SFRP1: variants seen among roughly 807,000 people sequenced by gnomAD.
The protein encoded by SFRP1 is secreted frizzled-related protein 1.
Under a neutral mutation model 25.9 loss-of-function variants are expected in SFRP1, and 9 were observed. The ratio of observed to expected loss-of-function variants is 0.35; its 90% CI spans 0.21 to 0.61. SFRP1 has a LOEUF of 0.61. Among genes scored for constraint, SFRP1 ranks in the 20% least tolerant of loss-of-function variants. The pLI, the probability that SFRP1 is intolerant of heterozygous loss-of-function variation, is 0.78. For missense variants in SFRP1, 346 were observed against 418.2 expected (o/e 0.83, Z 1.51); for synonymous variants, 178 against 174.0 (o/e 1.02, Z -0.18).
chr8:41,296,132 C>T (rs1803841102), intron 2 of SFRP1, among the ~76,000 whole-genome samples: 1 of 152,220 alleles, frequency 6.6e-6, no homozygotes, highest in Non-Finnish European at 1.5e-5. Flanking sequence ...AGTCCAGGTC[C>T]TCTGGGCACA....
intron 2 of SFRP1, among the ~76,000 whole-genome samples, chr8:41,271,917 A>T (rs998081340): frequency 6.6e-6 from 1 of 152,102 alleles, no homozygotes; most frequent in African/African-American, 2.4e-5. Flanking sequence ...GTGAGCTATG[A>T]CTGCACCCCT....
At chr8:41,286,078 C>T (rs1803697334) in intron 2 of SFRP1, among the ~76,000 whole-genome samples, 1 of 151,678 alleles carries the variant, frequency 6.6e-6, no homozygotes, top group Non-Finnish European at 1.5e-5. Flanking sequence ...GGCCCAGACC[C>T]GATTCCTGGC....
chr8:41,265,123 C>CCAAA lies in SFRP1; in HGVS notation c.*43_*44insTTTG. The CCAAA allele has an allele frequency of 2.8e-6, 1 of 354,602 alleles. No individual in the cohort carries two copies. The highest frequency in any genetic ancestry group is 5.6e-6 in the Non-Finnish European group (1 of 179,004). The allele number at this position is 354,602 out of a possible 1,614,324, so 22.0% of individuals were successfully genotyped here. On this transcript the variant is annotated 3_prime_UTR_variant, in exon 3 of 3. Transcript: ENST00000220772. Reference sequence around the variant, plus strand: ...TTCCCGGGGCACTGTCCCCCCCGCTCCCACCCCACCCGAGGCTCCCTCCCC... The same window carrying CCAAA: ...TTCCCGGGGCACTGTCCCCCCCGCTCCAAACCACCCCACCCGAGGCTCCCTCCCC...
chr8:41,288,150 G>A (rs1481197424), intron 2 of SFRP1, among the ~76,000 whole-genome samples: 1 of 152,092 alleles, frequency 6.6e-6, no homozygotes, highest in Non-Finnish European at 1.5e-5. Flanking sequence ...CTGAGGTCAG[G>A]AGTTCAAGAT....
At chr8:41,304,781 T>C (rs547345608) in intron 1 of SFRP1, among the ~76,000 whole-genome samples, 17 of 152,184 alleles carry the variant, frequency 1.1e-4, no homozygotes, top group African/African-American at 3.6e-4. Flanking sequence ...AAGTGGCCCA[T>C]AGACCACTCC....
rs568514712 is a variant in SFRP1, at chr8:41,304,894, C to A, written c.545-1356G>T. Among the ~76,000 whole-genome samples the A allele has an allele frequency of 8.5e-5, 13 of 152,102 alleles. 1 individual carries two copies. Among genetic ancestry groups the A allele is most frequent in the African/African-American group, 2.4e-5 (1 of 41,418 alleles). ...TTTACTCTGCACCCAGGAGCAAACA[C>A]CTTCCAGATTCTCAGTGCAGTTAAG... is the stretch of plus-strand genomic sequence containing the variant. On this transcript the variant is annotated intron_variant, in intron 1 of 2. Transcript: ENST00000220772.
At position 41,265,119 on chromosome 8, in the gene SFRP1, C is replaced by CCCCCCCCCCCCCCCCCCA; in HGVS notation, c.*47_*48insTGGGGGGGGGGGGGGGGG. 4.3e-6 allele frequency: 2 copies of CCCCCCCCCCCCCCCCCCA among 464,792 alleles called. No individual in the cohort carries two copies. Among genetic ancestry groups the CCCCCCCCCCCCCCCCCCA allele is most frequent in the Non-Finnish European group, 8.3e-6 (2 of 241,914 alleles). 28.8% of individuals were successfully genotyped at this position (464,792 alleles called of 1,614,324 possible). On this transcript the variant is annotated 3_prime_UTR_variant, in exon 3 of 3. Transcript: ENST00000220772. ...CGGGTTCCCGGGGCACTGTCCCCCC[C>CCCCCCCCCCCCCCCCCCA]GCTCCCACCCCACCCGAGGCTCCCT...
intron 1 of SFRP1, among the ~76,000 whole-genome samples, chr8:41,304,657 C>T (rs1221435811): frequency 6.6e-6 from 1 of 152,048 alleles, no homozygotes; most frequent in Non-Finnish European, 1.5e-5. Context: ...GCAGCATCTC[C>T]CTCCCCATCA....
chr8:41,294,097 A>G (rs1469868019), intron 2 of SFRP1, among the ~76,000 whole-genome samples: 1 of 152,130 alleles, frequency 6.6e-6, no homozygotes, highest in African/African-American at 2.4e-5. Flanking sequence ...GCTGAGACCA[A>G]AGGAAAAGTG....
intron 1 of SFRP1, among the ~76,000 whole-genome samples, chr8:41,308,116 G>A (rs1804021083): frequency 6.6e-6 from 1 of 152,216 alleles, no homozygotes; most frequent in Admixed American, 6.5e-5. Context: ...TTAAATCTTT[G>A]TCGAACCTAT....
At position 41,270,798 on chromosome 8, in the gene SFRP1, G is replaced by A. The variant is rs1340995454; in HGVS notation, c.623-5309C>T. On this transcript the variant is annotated intron_variant, in intron 2 of 2. Coordinates refer to ENST00000220772, the MANE Select transcript of SFRP1 (RefSeq NM_003012.5). ...AGAGCGCACACTGCACTCCAGCCTG[G>A]GTGACAGAGCAAGACTCCATCTCAA... 1.0e-4 allele frequency among the ~76,000 whole-genome samples: 15 copies of A among 147,640 alleles called. No homozygotes were observed. The Admixed American group carries it at 1.0e-3, about 10-fold the overall frequency.
At chr8:41,304,824 C>A (rs1459707049) in intron 1 of SFRP1, among the ~76,000 whole-genome samples, 3 of 152,094 alleles carry the variant, frequency 2.0e-5, no homozygotes, top group African/African-American at 7.2e-5. Context: ...CAGGGCCCAG[C>A]AGAGACCCCA....
chr8:41,276,878 C>T (rs1409222679), intron 2 of SFRP1: 1 of 455,196 alleles, frequency 2.2e-6, no homozygotes, highest in Non-Finnish European at 4.4e-6. Context: ...AGAGCCCTCT[C>T]CCCAGTACTC....
intron 2 of SFRP1, among the ~76,000 whole-genome samples, chr8:41,294,312 T>A (rs1014528395): frequency 6.6e-6 from 1 of 152,148 alleles, no homozygotes; most frequent in Non-Finnish European, 1.5e-5. Flanking sequence ...TCCCCAAAGC[T>A]GAATGCATCC....
rs1186108691 is a variant in SFRP1, at chr8:41,265,112, TC to T, written c.*54del. ...GACCCACCGGGTTCCCGGGGCACTG[TC>T]CCCCCCGCTCCCACCCCACCCGAGG... On this transcript the variant is annotated 3_prime_UTR_variant, in exon 3 of 3. Coordinates refer to ENST00000220772, the MANE Select transcript of SFRP1 (RefSeq NM_003012.5). 5.0e-5 allele frequency: 26 copies of T among 517,736 alleles called. No homozygotes were observed. Among genetic ancestry groups the T allele is most frequent in the Admixed American group, 1.2e-4 (4 of 32,912 alleles). 32.1% of individuals were successfully genotyped at this position (517,736 alleles called of 1,614,324 possible).
At chr8:41,296,179 T>C (rs967742164) in intron 2 of SFRP1, among the ~76,000 whole-genome samples, 1 of 152,202 alleles carries the variant, frequency 6.6e-6, no homozygotes, top group South Asian at 2.1e-4. Flanking sequence ...CCAGACCCCA[T>C]ACACAGCAAA....
rs539584023 is a variant in SFRP1 at position 41,269,947 on chromosome 8, G to A, written c.623-4458C>T. On this transcript the variant is annotated intron_variant, in intron 2 of 2. Coordinates refer to ENST00000220772, the MANE Select transcript of SFRP1 (RefSeq NM_003012.5). The stretch of plus-strand genomic sequence containing the variant: ...TACTGTAAATGCCACGGGAGGCCCC[G>A]CTGGGAAACCAGGCAGCCCAGTGTC... Among the ~76,000 whole-genome samples the A allele has an allele frequency of 3.9e-5, 6 of 152,356 alleles. No individual in the cohort carries two copies. The South Asian group carries it at 6.2e-4, about 16-fold the overall frequency.
chr8:41,307,474 C>T (rs149467368), intron 1 of SFRP1, among the ~76,000 whole-genome samples: 107 of 152,294 alleles, frequency 7.0e-4, no homozygotes, highest in African/African-American at 2.4e-3. Flanking sequence ...AGGTTAAAGA[C>T]ACTTTAAGGT....
intron 2 of SFRP1, among the ~76,000 whole-genome samples, chr8:41,270,821 CAAA>C (rs5891135): frequency 8.1e-6 from 1 of 122,792 alleles, no homozygotes. Context: ...GACTCCATCT[CAAA>C]AAAAAAAAAA....
Sources: gnomAD v4.1 joint callset for allele counts (sites outside exome capture counted in the v4.1 genomes callset) on GRCh38, gnomAD v4.1.1 for gene constraint, MANE v1.5 for transcripts, NCBI Gene and HGNC (gene_info 2026-07-23, HGNC 2026-07-21) for gene names.